Variants in ITLN2 observed in about 807,000 individuals in gnomAD.
ITLN2 encodes intelectin 2, also known as intelectin-2.
Under a neutral mutation model 39.4 loss-of-function variants are expected in ITLN2, and 29 were observed. The observed-to-expected ratio is 0.74, with a 90% CI of 0.55 to 1.00. The LOEUF (loss-of-function observed/expected upper bound fraction) is 1.00, where lower values mean the gene tolerates loss of function less well. Ranked by LOEUF, ITLN2 falls within the 50% of genes least tolerant of loss-of-function variation. ITLN2 has a pLI of 0.00. For synonymous variants in ITLN2, 156 were observed against 153.4 expected, an observed-to-expected ratio of 1.02 and a Z score of -0.12; for missense variants, 412 against 416.7, an observed-to-expected ratio of 0.99 and a Z score of 0.10.
In ITLN2 at chr1:160,951,162, C is replaced by A. The variant is rs1478649080; in HGVS notation, c.322G>T (p.Val108Leu). ...HENDMRGKCT[V>L]GDRWSSQQGN... ...TGCTGACTGGACCAGCGATCACCCACCGTGCACTTCCCACGCATGTCATTC... is the reference window on the plus strand; with the variant it reads ...TGCTGACTGGACCAGCGATCACCCAACGTGCACTTCCCACGCATGTCATTC... The change falls in exon 4 of 8, where the codon GTG (valine) becomes TTG (leucine). Residue 108 changes from valine to leucine, a missense_variant. Physicochemically the swap from Val to Leu is conservative, Grantham distance 32. Coordinates refer to ENST00000368029, the MANE Select transcript of ITLN2 (RefSeq NM_080878.3). The A allele has an allele frequency of 6.2e-7, 1 of 1,614,208 alleles. No homozygotes were observed. Among genetic ancestry groups the A allele is most frequent in the East Asian group, 2.2e-5 (1 of 44,880 alleles).
chr1:160,951,319 C>T (rs1001748067), intron 3 of ITLN2, 29 bp from the exon 4 acceptor site: 2 of 1,543,746 alleles, frequency 1.3e-6, no homozygotes, highest in Non-Finnish European at 1.7e-6. Context: ...CAGAGCCTCC[C>T]TGTCTGAGAG....
At chr1:160,953,477 C>T (rs952763411) in intron 2 of ITLN2, among the ~76,000 whole-genome samples, 6 of 152,008 alleles carry the variant, frequency 3.9e-5, no homozygotes, top group Non-Finnish European at 7.4e-5. Flanking sequence ...TTTCGGAGGC[C>T]GAGGAGGGTG....
chr1:160,947,952 CTTT>C lies in ITLN2; in HGVS notation c.799_801del (p.Lys267del). 1.9e-6 allele frequency: 3 copies of C among 1,614,066 alleles called. No individual in the cohort carries two copies. Among genetic ancestry groups the C allele is most frequent in the Non-Finnish European group, 2.5e-6 (3 of 1,179,916 alleles). ...ACATGCTCAGTGTTACAGCCAGTAA[CTTT>C]TATCCCAGCACAAAGGGCGTTGGCT... On this transcript the variant is annotated inframe_deletion, in exon 7 of 8. Transcript: ENST00000368029.
intron 6 of ITLN2, chr1:160,949,423 A>G (rs1014591842): frequency 1.3e-5 from 2 of 152,980 alleles, no homozygotes; most frequent in African/African-American, 4.8e-5. Flanking sequence ...ACGAGGCCAT[A>G]TCTCAGGCTA....
chr1:160,949,045 G>A (rs540609665), intron 6 of ITLN2: 1 of 152,280 alleles, frequency 6.6e-6, no homozygotes, highest in Admixed American at 6.5e-5. Context: ...GGACGTGGCA[G>A]GACAATAGGG....
At chr1:160,954,489 CT>C (rs779279674) in intron 1 of ITLN2, 39 bp from the exon 2 acceptor site, 2 of 1,498,368 alleles carry the variant, frequency 1.3e-6, no homozygotes, top group Non-Finnish European at 9.1e-7. Flanking sequence ...CTGGCTGGCC[CT>C]TCCTTTGTCA....
chr1:160,946,304 T>C (rs1671599055), intron 7 of ITLN2, among the ~76,000 whole-genome samples: 1 of 151,390 alleles, frequency 6.6e-6, no homozygotes, highest in Non-Finnish European at 1.5e-5. Flanking sequence ...AGAGTGAAAC[T>C]CCCTCTCAAA....
chr1:160,954,343 G>C (rs1320257775), intron 2 of ITLN2, 44 bp downstream of exon 2: 2 of 1,399,890 alleles, frequency 1.4e-6, no homozygotes, highest in Non-Finnish European at 2.0e-6. Context: ...CACAGCAGAG[G>C]GGAGCCCAGG....
chr1:160,952,803 C>A, intron 2 of ITLN2, 70 bp from the exon 3 acceptor site: 2 of 1,123,948 alleles, frequency 1.8e-6, no homozygotes, highest in Admixed American at 1.8e-5. Context: ...CCAATCTCTG[C>A]CCCTGTATCA....
chr1:160,951,177 G>A lies in ITLN2; in HGVS notation c.307C>T (p.Arg103Cys), dbSNP rs1358034320. 5 of 1,614,010 alleles carry A rather than the reference G, an allele frequency of 3.1e-6. No homozygotes were observed. The highest frequency in any genetic ancestry group is 3.3e-4 in the Middle Eastern group (2 of 6,084). ...CGATCACCCACCGTGCACTTCCCAC[G>A]CATGTCATTCTCGTGCACGCTGGCC... is the stretch of plus-strand genomic sequence containing the variant. ...LVASVHENDM[R>C]GKCTVGDRWS... The change falls in exon 4 of 8, where the codon CGT (arginine) becomes TGT (cysteine). Residue 103 changes from arginine (R) to cysteine (C), a missense_variant. By Grantham distance (180) the Arg-to-Cys change is radical (BLOSUM62 -3). Transcript: ENST00000368029.
intron 3 of ITLN2, chr1:160,951,572 A>C (rs2101940133): frequency 2.9e-6 from 1 of 341,698 alleles, no homozygotes; most frequent in East Asian, 5.7e-5. Flanking sequence ...TGTGGCCAGG[A>C]GAGGCCAGAA....
chr1:160,948,440 C>T (rs896441278), intron 6 of ITLN2, among the ~76,000 whole-genome samples: 1 of 152,186 alleles, frequency 6.6e-6, no homozygotes, highest in African/African-American at 2.4e-5. Context: ...CTGACCATCA[C>T]CTGCTTTCAT....
intron 6 of ITLN2, 162 bp downstream of exon 6, chr1:160,949,884 T>C: frequency 1.6e-6 from 1 of 637,658 alleles, no homozygotes; most frequent in Non-Finnish European, 2.6e-6. Flanking sequence ...AGTTTTCTCA[T>C]GGTAATTAAA....
intron 7 of ITLN2, among the ~76,000 whole-genome samples, chr1:160,945,723 T>C (rs188900967): frequency 3.0e-4 from 45 of 152,162 alleles, no homozygotes; most frequent in East Asian, 5.8e-4. Flanking sequence ...AGACTGTCAG[T>C]TGGGGAGGGA....
rs1671735897 is a variant in ITLN2 at position 160,951,225 on chromosome 1, C to T, written c.259G>A (p.Gly87Arg). 1.2e-6 allele frequency: 2 copies of T among 1,613,104 alleles called. No individual in the cohort carries two copies. Among genetic ancestry groups the T allele is most frequent in the Non-Finnish European group, 1.7e-6 (2 of 1,179,412 alleles). The change falls in exon 4 of 8, where the codon GGG becomes AGG. Residue 87 changes from glycine (G) to arginine (R), a missense_variant. By Grantham distance (125) the Gly-to-Arg change is moderately radical. Coordinates refer to ENST00000368029, the MANE Select transcript of ITLN2 (RefSeq NM_080878.3). ...VYQTFCDMTS[G>R]GGGWTLVASV... ...GCCACCAGGGTCCAGCCGCCACCCC[C>T]AGAAGTCATGTCACAGAAGGTCTGG...
intron 2 of ITLN2, 132 bp from the exon 3 acceptor site, chr1:160,952,865 G>A (rs2101941034): frequency 1.5e-6 from 1 of 649,950 alleles, no homozygotes; most frequent in South Asian, 1.8e-5. Context: ...CCTATGCTAA[G>A]ACGGTCTGAT....
At chr1:160,953,772 T>A (rs1401161930) in intron 2 of ITLN2, among the ~76,000 whole-genome samples, 4 of 152,180 alleles carry the variant, frequency 2.6e-5, no homozygotes, top group Non-Finnish European at 5.9e-5. Context: ...CAGTGCCTCC[T>A]TGAGCAGACA....
At chr1:160,951,004 A>G in intron 4 of ITLN2, 39 bp downstream of exon 4, 1 of 1,613,872 alleles carries the variant, frequency 6.2e-7, no homozygotes, top group African/African-American at 1.3e-5. Context: ...CACACTCCAC[A>G]CCTCACCCTC....
At chr1:160,954,600 G>T in intron 1 of ITLN2, 127 bp downstream of exon 1, 2 of 1,265,978 alleles carry the variant, frequency 1.6e-6, no homozygotes, top group Non-Finnish European at 2.3e-6. Context: ...TATGCCCCAC[G>T]GCTGTCCAAC....
Sources: allele counts gnomAD v4.1 joint callset (sites outside exome capture counted in the v4.1 genomes callset), GRCh38; gene constraint gnomAD v4.1.1; transcripts MANE v1.5; gene names NCBI Gene and HGNC (gene_info 2026-07-23, HGNC 2026-07-21).